The following DLEU7 variants were observed in gnomAD, a reference collection of about 807,000 sequenced individuals.
The protein encoded by DLEU7 is deleted in lymphocytic leukemia 7.
DLEU7 carries 17 observed loss-of-function variants against 16.0 expected under a neutral mutation model. The ratio of observed to expected loss-of-function variants is 1.06; its 90% CI spans 0.73 to 1.59. The LOEUF (loss-of-function observed/expected upper bound fraction) is 1.59, where lower values mean the gene tolerates loss of function less well. DLEU7 is among the 40% of genes most tolerant of loss of function. The probability of loss-of-function intolerance (pLI) is 0.00; values close to 1 mark genes in which losing one functional copy is unlikely to be tolerated. For synonymous variants in DLEU7, 113 were observed against 139.8 expected (o/e 0.81, Z 1.35); for missense variants, 308 against 314.9 (o/e 0.98, Z 0.17).
chr13:50,713,022 A>T (rs1170076518), exon 2 of DLEU7: 2 of 590,500 alleles, frequency 3.4e-6, no homozygotes, highest in East Asian at 2.8e-5. Context: ...GCGCGTTCCA[A>T]TCGGAGGTAA....
chr13:50,830,963 G>A (rs982801124), intron 1 of DLEU7, among the ~76,000 whole-genome samples: 2 of 152,106 alleles, frequency 1.3e-5, no homozygotes, highest in Non-Finnish European at 2.9e-5. Flanking sequence ...CTGCAAAATG[G>A]AAACAATAAT....
At chr13:50,734,586 C>T (rs748652593) in intron 1 of DLEU7, among the ~76,000 whole-genome samples, 10 of 151,972 alleles carry the variant, frequency 6.6e-5, no homozygotes, top group Non-Finnish European at 1.5e-4. Flanking sequence ...GGAATATTAA[C>T]ATTTAGAAAA....
chr13:50,749,083 C>T (rs1013959869), intron 1 of DLEU7, among the ~76,000 whole-genome samples: 2 of 142,224 alleles, frequency 1.4e-5, no homozygotes, highest in African/African-American at 5.1e-5. Flanking sequence ...TTGTACCATT[C>T]TTATACCTTT....
At chr13:50,715,476 A>G (rs1177266076) in intron 1 of DLEU7, 1 of 152,680 alleles carries the variant, frequency 6.5e-6, no homozygotes, top group Non-Finnish European at 1.5e-5. Context: ...TGGCAGCTAA[A>G]GGAGAAAGGG....
intron 1 of DLEU7, among the ~76,000 whole-genome samples, chr13:50,736,367 A>T (rs112139402): frequency 0.069 from 10,457 of 151,994 alleles, 1,135 homozygotes; most frequent in African/African-American, 0.23. Context: ...GGAGGGTGGG[A>T]GGAGGGAGAG....
chr13:50,785,475 G>A (rs1171508754), intron 1 of DLEU7, among the ~76,000 whole-genome samples: 1 of 152,134 alleles, frequency 6.6e-6, no homozygotes, highest in Non-Finnish European at 1.5e-5. Flanking sequence ...TGACCCATTG[G>A]AAATTGAAAA....
chr13:50,725,471 T>G (rs1411507401), intron 1 of DLEU7, among the ~76,000 whole-genome samples: 2 of 152,166 alleles, frequency 1.3e-5, no homozygotes, highest in African/African-American at 4.8e-5. Context: ...CCTGCCCAGG[T>G]CTGCCTCAGG....
At chr13:50,814,686 C>CAA (rs770451662) in intron 1 of DLEU7, among the ~76,000 whole-genome samples, 4 of 38,472 alleles carry the variant, frequency 1.0e-4, no homozygotes. Context: ...ACTACACACA[C>CAA]ACACACACAC....
chr13:50,728,242 A>G (rs1389617580), intron 1 of DLEU7, among the ~76,000 whole-genome samples: 2 of 152,166 alleles, frequency 1.3e-5, no homozygotes, highest in African/African-American at 4.8e-5. Context: ...GCTTTTTCCA[A>G]TTACAGATAA....
At chr13:50,825,425 A>G (rs911974262) in intron 1 of DLEU7, among the ~76,000 whole-genome samples, 1 of 152,198 alleles carries the variant, frequency 6.6e-6, no homozygotes, top group African/African-American at 2.4e-5. Context: ...GCTGGCATAT[A>G]GTAGATGGCC....
intron 1 of DLEU7, among the ~76,000 whole-genome samples, chr13:50,743,038 T>C (rs1874294720): frequency 6.6e-6 from 1 of 152,186 alleles, no homozygotes. Flanking sequence ...GAAAGGGTTA[T>C]GTATTGAGTG....
chr13:50,754,208 A>G (rs1255633616), intron 1 of DLEU7, among the ~76,000 whole-genome samples: 1 of 152,198 alleles, frequency 6.6e-6, no homozygotes, highest in Non-Finnish European at 1.5e-5. Context: ...AAGGTAGTTT[A>G]AATCCATTGT....
At position 50,843,643 on chromosome 13, in the gene DLEU7, C is replaced by T. The variant is rs1258667742; in HGVS notation, c.4G>A (p.Ala2Thr). 3 of 1,507,438 alleles carry T rather than the reference C, an allele frequency of 2.0e-6. No individual in the cohort carries two copies. The highest frequency in any genetic ancestry group is 2.6e-6 in the Non-Finnish European group (3 of 1,134,600). 93.4% of individuals were successfully genotyped at this position (1,507,438 alleles called of 1,614,324 possible). Residue 2 changes from alanine to threonine, a missense_variant, in exon 1 of 2, where the codon GCC becomes ACC. Transcript: ENST00000504404. This position sits in a 1 kb window ranked among gnomAD's most constrained non-coding sequence, Gnocchi z 5.7. M[A>T]SPAPLVASIS... ...GAGGCCACTAAGGGCGCAGGGCTGG[C>T]CATCGCCTCCGCTGGCGGCCCGGCG...
At chr13:50,713,343 G>C (rs778007550) in intron 1 of DLEU7, 18 of 1,398,694 alleles carry the variant, frequency 1.3e-5, no homozygotes, top group Non-Finnish European at 1.7e-5. Flanking sequence ...TTTAGGAATG[G>C]CATTAGGTAC....
intron 1 of DLEU7, among the ~76,000 whole-genome samples, chr13:50,825,755 C>A (rs1877062474): frequency 6.6e-6 from 1 of 152,154 alleles, no homozygotes; most frequent in Non-Finnish European, 1.5e-5. Flanking sequence ...TCTGTTAAAT[C>A]TTCATTCTCT....
At chr13:50,758,557 G>A (rs909672832) in intron 1 of DLEU7, among the ~76,000 whole-genome samples, 10 of 152,210 alleles carry the variant, frequency 6.6e-5, no homozygotes, top group Admixed American at 4.6e-4. Flanking sequence ...CAGTCACTTA[G>A]GGCTGGGGCT....
At chr13:50,802,749 G>C (rs1876285006) in intron 1 of DLEU7, among the ~76,000 whole-genome samples, 1 of 152,050 alleles carries the variant, frequency 6.6e-6, no homozygotes, top group Admixed American at 6.6e-5. Context: ...CTCCTCACAG[G>C]AGGCGACCTG....
intron 1 of DLEU7, among the ~76,000 whole-genome samples, chr13:50,720,078 A>G (rs1202840170): frequency 6.6e-6 from 1 of 152,200 alleles, no homozygotes; most frequent in Non-Finnish European, 1.5e-5. Flanking sequence ...TTTTATGGCT[A>G]TCTCAGTGGT....
At chr13:50,751,168 T>G (rs930251683) in intron 1 of DLEU7, among the ~76,000 whole-genome samples, 1 of 152,214 alleles carries the variant, frequency 6.6e-6, no homozygotes, top group African/African-American at 2.4e-5. Flanking sequence ...CAAAAGCTTT[T>G]TCCACGTCTA....
Sources: gnomAD v4.1 joint callset for allele counts (sites outside exome capture counted in the v4.1 genomes callset) on GRCh38, gnomAD v4.1.1 for gene constraint, Gnocchi (gnomAD v3.1) non-coding constraint, MANE v1.5 for transcripts, NCBI Gene and HGNC (gene_info 2026-07-23, HGNC 2026-07-21) for gene names.